DPP10: variants seen among roughly 807,000 people sequenced by gnomAD.
DPP10 encodes the protein dipeptidyl peptidase like 10, also known as inactive dipeptidyl peptidase 10.
DPP10 carries 33 observed loss-of-function variants against 120.9 expected under a neutral mutation model. The ratio of observed to expected loss-of-function variants is 0.27; its 90% CI spans 0.21 to 0.37. The LOEUF (loss-of-function observed/expected upper bound fraction) is 0.37, where lower values mean the gene tolerates loss of function less well. DPP10 is among the 10% of genes least tolerant of loss of function. The probability of loss-of-function intolerance (pLI) is 1.00; values close to 1 mark genes in which losing one functional copy is unlikely to be tolerated. For synonymous variants in DPP10, 337 were observed against 326.1 expected, an observed-to-expected ratio of 1.03 and a Z score of -0.36; for missense variants, 816 against 942.8, an observed-to-expected ratio of 0.87 and a Z score of 1.76.
In DPP10 at chr2:115,566,369, T is replaced by C. The variant is rs189062194; in HGVS notation, c.441+40397T>C. On this transcript the variant is annotated intron_variant, in intron 5 of 25. Coordinates refer to ENST00000410059, the MANE Select transcript of DPP10 (RefSeq NM_020868.6). Reference sequence around the variant, plus strand: ...ATATGGTGGTTTTTCTCTTCATTTTTTTCTATGCTAATTAATTACTGTAAC... The same window carrying C: ...ATATGGTGGTTTTTCTCTTCATTTTCTTCTATGCTAATTAATTACTGTAAC... Among the ~76,000 whole-genome samples, 194 of 152,318 alleles carry C rather than the reference T, an allele frequency of 1.3e-3. 2 individuals are homozygous for C. The highest frequency in any genetic ancestry group is 4.6e-3 in the African/African-American group (191 of 41,590).
intron 1 of DPP10, among the ~76,000 whole-genome samples, chr2:114,452,722 T>C (rs1678358250): frequency 6.6e-6 from 1 of 152,068 alleles, no homozygotes; most frequent in South Asian, 2.1e-4. Context: ...AATTATAATT[T>C]CCCAAACTGA....
At chr2:114,784,506 C>G (rs1682600338) in intron 1 of DPP10, among the ~76,000 whole-genome samples, 2 of 152,064 alleles carry the variant, frequency 1.3e-5, no homozygotes, top group Admixed American at 6.5e-5. Flanking sequence ...TACATAAAAC[C>G]TTCTCAAATA....
intron 1 of DPP10, among the ~76,000 whole-genome samples, chr2:114,725,703 A>T (rs1175238873): frequency 6.6e-6 from 1 of 152,214 alleles, no homozygotes; most frequent in Non-Finnish European, 1.5e-5. Flanking sequence ...AATAGATGTG[A>T]TTATCCTCCT....
Position 115,112,641 on chromosome 2 carries a change from A to C in DPP10, c.61-196598A>C, listed in dbSNP as rs949339487. Among the ~76,000 whole-genome samples the C allele has an allele frequency of 7.9e-5, 12 of 152,198 alleles. No individual in the cohort carries two copies. In the East Asian group the frequency reaches 2.3e-3, roughly 29 times the overall value. On this transcript the variant is annotated intron_variant, in intron 1 of 25. Transcript: ENST00000410059. ...TAATACATACTGCATGATCTCACTT[A>C]TATGTGAAATCAAGAAAAAAGTTGA... is the stretch of plus-strand genomic sequence containing the variant.
chr2:114,546,721 G>T (rs1687430111), intron 1 of DPP10, among the ~76,000 whole-genome samples: 1 of 152,172 alleles, frequency 6.6e-6, no homozygotes, highest in African/African-American at 2.4e-5. Flanking sequence ...TGCTAGGTGT[G>T]CACACTTAAT....
intron 1 of DPP10, among the ~76,000 whole-genome samples, chr2:114,492,043 C>T (rs971884266): frequency 6.6e-6 from 1 of 152,116 alleles, no homozygotes; most frequent in African/African-American, 2.4e-5. Context: ...TCCTTTTGCT[C>T]ATTCTGTGAC....
chr2:114,750,995 CA>C (rs1679164985), intron 1 of DPP10, among the ~76,000 whole-genome samples: 1 of 152,178 alleles, frequency 6.6e-6, no homozygotes, highest in Non-Finnish European at 1.5e-5. Flanking sequence ...TGCGGGTATA[CA>C]GAGCTGCATC....
At chr2:114,447,034 A>AAT (rs551296881) in intron 1 of DPP10, among the ~76,000 whole-genome samples, 1 of 138,364 alleles carries the variant, frequency 7.2e-6, no homozygotes, top group Non-Finnish European at 1.5e-5. Flanking sequence ...TGGTTGTTAA[A>AAT]TTTTTTTTTT....
chr2:114,568,753 C>A lies in DPP10; in HGVS notation c.60+125915C>A, dbSNP rs114679465. Among the ~76,000 whole-genome samples the A allele has an allele frequency of 9.2e-3, 1,402 of 152,304 alleles. 22 individuals are homozygous for A. Among genetic ancestry groups the A allele is most frequent in the African/African-American group, 0.032 (1,318 of 41,568 alleles). On this transcript the variant is annotated intron_variant, in intron 1 of 25. Coordinates refer to ENST00000410059, the MANE Select transcript of DPP10 (RefSeq NM_020868.6). ...CTTGGGAATGAGTTAAAGAATGATT[C>A]GCCTTTGCTGTAGGTGTACCTATCC...
intron 12 of DPP10, among the ~76,000 whole-genome samples, chr2:115,763,790 T>G (rs1680389509): frequency 6.6e-6 from 1 of 152,176 alleles, no homozygotes; most frequent in Non-Finnish European, 1.5e-5. Context: ...TTTTCTCTCT[T>G]CTTTCTGTCC....
chr2:115,386,138 A>G (rs2066913179), intron 3 of DPP10, among the ~76,000 whole-genome samples: 1 of 152,208 alleles, frequency 6.6e-6, no homozygotes, highest in Non-Finnish European at 1.5e-5. Flanking sequence ...GACAAACTTT[A>G]TAAAGGAGGA....
At chr2:114,785,098 G>T (rs555780023) in intron 1 of DPP10, among the ~76,000 whole-genome samples, 8 of 152,240 alleles carry the variant, frequency 5.3e-5, no homozygotes, top group African/African-American at 1.9e-4. Flanking sequence ...GTCACCGGAT[G>T]GTTGAAGGAT....
intron 5 of DPP10, among the ~76,000 whole-genome samples, chr2:115,544,042 GA>G (rs548402679): frequency 7.3e-4 from 101 of 138,904 alleles, no homozygotes; most frequent in East Asian, 2.1e-3. Flanking sequence ...AATAATTAAA[GA>G]AAAAAAAAAA....
At chr2:114,987,967 C>A (rs997183162) in intron 1 of DPP10, among the ~76,000 whole-genome samples, 7 of 151,870 alleles carry the variant, frequency 4.6e-5, no homozygotes, top group Non-Finnish European at 8.8e-5. Context: ...CCACGCCCGG[C>A]TAATTTTTTG....
chr2:115,121,356 G>A (rs1171834400), intron 1 of DPP10, among the ~76,000 whole-genome samples: 1 of 152,216 alleles, frequency 6.6e-6, no homozygotes, highest in Non-Finnish European at 1.5e-5. Flanking sequence ...CTTAGAGAAG[G>A]AGATTAGCAC....
intron 1 of DPP10, among the ~76,000 whole-genome samples, chr2:115,017,928 A>G (rs913388738): frequency 3.9e-5 from 6 of 152,058 alleles, no homozygotes; most frequent in African/African-American, 1.2e-4. Flanking sequence ...GGTGCAGCAC[A>G]CCAACATGGC....
chr2:115,572,797 A>C (rs2081415067), intron 5 of DPP10, among the ~76,000 whole-genome samples: 1 of 152,206 alleles, frequency 6.6e-6, no homozygotes, highest in Non-Finnish European at 1.5e-5. Context: ...GTGTAACATT[A>C]TTATTTTTTT....
At chr2:114,757,395 GGAGAGA>G (rs372151135) in intron 1 of DPP10, among the ~76,000 whole-genome samples, 2 of 144,102 alleles carry the variant, frequency 1.4e-5, no homozygotes, top group African/African-American at 5.1e-5. Context: ...AAGGAGGGAG[GGAGAGA>G]GAGAGAGGGA....
chr2:114,748,344 T>TC (rs1473475271), intron 1 of DPP10, among the ~76,000 whole-genome samples: 1 of 130,792 alleles, frequency 7.6e-6, no homozygotes, highest in South Asian at 2.4e-4. Flanking sequence ...TTTTCTTTTT[T>TC]TTTTTTATTT....
Sources: allele counts gnomAD v4.1 joint callset (sites outside exome capture counted in the v4.1 genomes callset), GRCh38; gene constraint gnomAD v4.1.1; transcripts MANE v1.5; gene names NCBI Gene and HGNC (gene_info 2026-07-23, HGNC 2026-07-21).